Variants in WDR20 observed in about 807,000 individuals in gnomAD.
The protein encoded by WDR20 is WD repeat-containing protein 20.
WDR20 carries 3 observed loss-of-function variants against 38.7 expected under a neutral mutation model. The observed-to-expected ratio is 0.08, with a 90% confidence interval of 0.04 to 0.20. The LOEUF (loss-of-function observed/expected upper bound fraction) is 0.20. WDR20 is among the 10% of genes least tolerant of loss of function. The probability of loss-of-function intolerance (pLI) is 1.00; values close to 1 mark genes in which losing one functional copy is unlikely to be tolerated. For synonymous variants in WDR20, 298 were observed against 285.6 expected (o/e 1.04, Z -0.44); for missense variants, 559 against 727.7 (o/e 0.77, Z 2.67).
intron 1 of WDR20, among the ~76,000 whole-genome samples, chr14:102,167,078 C>A (rs570255027): frequency 2.6e-5 from 4 of 152,300 alleles, no homozygotes; most frequent in Non-Finnish European, 5.9e-5. Context: ...CCTAACACAG[C>A]GTACAAGCCC....
In WDR20 at chr14:102,208,717, T is replaced by C; in HGVS notation, c.547T>C (p.Cys183Arg). 2 of 1,614,180 alleles carry C rather than the reference T, an allele frequency of 1.2e-6. No individual in the cohort carries two copies. Among genetic ancestry groups the C allele is most frequent in the Non-Finnish European group, 1.7e-6 (2 of 1,180,036 alleles). ...NMYLYNVEHT[C>R]GTTAPHYQLL... ...GTACTTATATAATGTGGAGCACACTTGTGGCACCACAGCCCCCCACTACCA... is the reference window on the plus strand; with the variant it reads ...GTACTTATATAATGTGGAGCACACTCGTGGCACCACAGCCCCCCACTACCA... The change falls in exon 3 of 3, where the codon TGT becomes CGT. Residue 183 changes from cysteine (C) to arginine (R), a missense_variant. By Grantham distance (180) the Cys-to-Arg change is radical. Transcript: ENST00000342702. The surrounding 1 kb of genome is among the most constrained non-coding windows in gnomAD (Gnocchi z 5.6).
At chr14:102,166,700 G>T (rs577590850) in intron 1 of WDR20, among the ~76,000 whole-genome samples, 99 of 152,182 alleles carry the variant, frequency 6.5e-4, no homozygotes, top group African/African-American at 2.4e-3. Context: ...TTTGTTTTGA[G>T]GATTGGACAG....
chr14:102,140,789 C>T (rs770725125), intron 1 of WDR20, among the ~76,000 whole-genome samples: 2 of 152,154 alleles, frequency 1.3e-5, no homozygotes, highest in Non-Finnish European at 2.9e-5. Flanking sequence ...CTGTCTCCGC[C>T]GTGGGGACCT....
chr14:102,156,558 T>G (rs1339710811), intron 1 of WDR20, among the ~76,000 whole-genome samples: 1 of 149,922 alleles, frequency 6.7e-6, no homozygotes, highest in Non-Finnish European at 1.5e-5. Context: ...AATGTAGAAT[T>G]TTTTTTTTTT....
intron 1 of WDR20, among the ~76,000 whole-genome samples, chr14:102,172,740 G>T (rs1442039517): frequency 6.7e-6 from 1 of 148,158 alleles, no homozygotes; most frequent in Admixed American, 6.6e-5. Flanking sequence ...CGGACGGGGC[G>T]GCTGCCGGGC....
Position 102,208,884 on chromosome 14 carries a change from G to A in WDR20, c.714G>A (p.Val238=). The A allele has an allele frequency of 6.2e-7, 1 of 1,614,246 alleles. No individual in the cohort carries two copies. Among genetic ancestry groups the A allele is most frequent in the Non-Finnish European group, 8.5e-7 (1 of 1,180,034 alleles). The change falls in exon 3 of 3, where the codon GTG becomes GTA. Residue 238 remains valine (V), a synonymous_variant. Coordinates refer to ENST00000342702, the MANE Select transcript of WDR20 (RefSeq NM_144574.4). This position sits in a 1 kb window ranked among gnomAD's most constrained non-coding sequence, Gnocchi z 5.6. The part of the protein sequence containing the change: ...FSPDGKFLAC[V]SQDGFLRVFN... ...CAGATGGCAAGTTCTTAGCGTGCGT[G>A]AGCCAGGACGGGTTTCTGCGGGTGT...
At chr14:102,140,463 G>C (rs911275641) in intron 1 of WDR20, among the ~76,000 whole-genome samples, 1 of 152,112 alleles carries the variant, frequency 6.6e-6, no homozygotes, top group Admixed American at 6.5e-5. Context: ...TGGTCCATCA[G>C]GCTCTGACAT....
Position 102,202,386 on chromosome 14 carries a change from T to G in WDR20, c.433-6217T>G, listed in dbSNP as rs1438071669. Among the ~76,000 whole-genome samples, 7 of 139,766 alleles carry G rather than the reference T, an allele frequency of 5.0e-5. No homozygotes were observed. In the East Asian group the frequency reaches 8.5e-4, roughly 17 times the overall value. The allele number at this position is 139,766 out of a possible 152,430, so 91.7% of individuals were successfully genotyped here. On this transcript the variant is annotated intron_variant, in intron 2 of 2. Coordinates refer to ENST00000342702, the MANE Select transcript of WDR20 (RefSeq NM_144574.4). ...CCTGTATGGAGGTTTTTTTTTTTTT[T>G]TTTTTTTTTTTGAGACGGAGTCTCG...
chr14:102,173,752 T>G (rs777537853), intron 1 of WDR20, among the ~76,000 whole-genome samples: 11 of 151,904 alleles, frequency 7.2e-5, no homozygotes, highest in Non-Finnish European at 1.5e-4. Flanking sequence ...GTTACTTCAC[T>G]TAGAATAACT....
intron 1 of WDR20, among the ~76,000 whole-genome samples, chr14:102,155,557 A>G (rs2057169390): frequency 6.6e-6 from 1 of 152,186 alleles, no homozygotes. Context: ...CCCTTTGTAG[A>G]TGTGCAGACT....
intron 1 of WDR20, among the ~76,000 whole-genome samples, chr14:102,181,940 C>T (rs963970225): frequency 6.6e-6 from 1 of 152,170 alleles, no homozygotes; most frequent in Non-Finnish European, 1.5e-5. Flanking sequence ...AATACACCTC[C>T]TTTCCCTTTC....
rs2050286577 is a variant in WDR20, at chr14:102,139,977, C to T, written c.54C>T (p.Thr18=). 3 of 1,614,232 alleles carry T rather than the reference C, an allele frequency of 1.9e-6. No homozygotes were observed. Among genetic ancestry groups the T allele is most frequent in the South Asian group, 1.1e-5 (1 of 91,090 alleles). ...TGAACGAGATTAAGACCCAATTCAC[C>T]ACCCGGGAAGGTCTGTACAAGCTGC... ...KEMNEIKTQF[T]TREGLYKLLP... The change falls in exon 1 of 3, where the codon ACC becomes ACT. Residue 18 remains threonine (T), a synonymous_variant. Coordinates refer to ENST00000342702, the MANE Select transcript of WDR20 (RefSeq NM_144574.4).
At chr14:102,203,546 A>G in intron 2 of WDR20, among the ~76,000 whole-genome samples, 1 of 152,070 alleles carries the variant, frequency 6.6e-6, no homozygotes, top group East Asian at 1.9e-4. Flanking sequence ...TCCAGACCAA[A>G]TTCCCCTCCC....
At chr14:102,205,582 C>T (rs2152998223) in intron 2 of WDR20, among the ~76,000 whole-genome samples, 1 of 152,244 alleles carries the variant, frequency 6.6e-6, no homozygotes, top group South Asian at 2.1e-4. Flanking sequence ...CAGTGGCCAG[C>T]ACCCACAGTA....
intron 1 of WDR20, 105 bp from the exon 2 acceptor site, chr14:102,194,833 T>C: frequency 7.9e-7 from 1 of 1,258,764 alleles, no homozygotes; most frequent in Non-Finnish European, 1.1e-6. Flanking sequence ...TTTAAATCAC[T>C]TTGTTTTTAA....
At chr14:102,148,963 C>G (rs963303800) in intron 1 of WDR20, among the ~76,000 whole-genome samples, 1 of 152,112 alleles carries the variant, frequency 6.6e-6, no homozygotes, top group African/African-American at 2.4e-5. Context: ...AGTTTGAGAC[C>G]GTCCTGGCTA....
chr14:102,153,079 T>A (rs1426913376), intron 1 of WDR20, among the ~76,000 whole-genome samples: 1 of 152,158 alleles, frequency 6.6e-6, no homozygotes, highest in African/African-American at 2.4e-5. Context: ...TACTTGGTGC[T>A]GCCCTCACGC....
intron 2 of WDR20, among the ~76,000 whole-genome samples, chr14:102,200,461 T>TGTGTGTGTGTGTGTG (rs201901921): frequency 9.9e-6 from 1 of 100,678 alleles, no homozygotes; most frequent in Non-Finnish European, 2.1e-5. Context: ...TTTTAAATTT[T>TGTGTGTGTGTGTGTG]TTTTTTTGTG....
At chr14:102,158,539 G>A (rs1016311898) in intron 1 of WDR20, among the ~76,000 whole-genome samples, 2 of 151,914 alleles carry the variant, frequency 1.3e-5, no homozygotes, top group African/African-American at 2.4e-5. Flanking sequence ...CTTATGATCC[G>A]CCCACCTTGG....
Sources: gnomAD v4.1 joint callset for allele counts (sites outside exome capture counted in the v4.1 genomes callset) on GRCh38, gnomAD v4.1.1 for gene constraint, Gnocchi (gnomAD v3.1) non-coding constraint, MANE v1.5 for transcripts, NCBI Gene and HGNC (gene_info 2026-07-23, HGNC 2026-07-21) for gene names.